LRP4: variants seen among roughly 807,000 people sequenced by gnomAD.
LRP4 encodes the protein LDL receptor related protein 4.
In LRP4, 95 loss-of-function variants were observed where a neutral mutation model predicts 220.3. The observed-to-expected ratio is 0.43, with a 90% CI of 0.37 to 0.51. The LOEUF (loss-of-function observed/expected upper bound fraction) is 0.51. LRP4 is among the 20% of genes least tolerant of loss of function. The probability of loss-of-function intolerance (pLI) is 0.00; values close to 1 mark genes in which losing one functional copy is unlikely to be tolerated. For synonymous variants in LRP4, 903 were observed against 954.6 expected, an observed-to-expected ratio of 0.95 and a Z score of 1.00; for missense variants, 1,925 against 2,567.0, an observed-to-expected ratio of 0.75 and a Z score of 5.40.
intron 34 of LRP4, among the ~76,000 whole-genome samples, chr11:46,865,960 G>C (rs1565776346): frequency 6.6e-6 from 1 of 152,160 alleles, no homozygotes; most frequent in Non-Finnish European, 1.5e-5. Context: ...AACAGAGAAT[G>C]GGGGCACACA....
In LRP4 at chr11:46,882,714, G is replaced by A. The variant is rs150817264; in HGVS notation, c.2613-811C>T. Among the ~76,000 whole-genome samples, 131 of 152,038 alleles carry A rather than the reference G, an allele frequency of 8.6e-4. 1 individual carries two copies. The highest frequency in any genetic ancestry group is 3.1e-3 in the African/African-American group (127 of 41,472). On this transcript the variant is annotated intron_variant, in intron 19 of 37. Transcript: ENST00000378623. ...AAAAAAAAACTGTAAAAATTAGCTA[G>A]GCATTGTGGTCTGTGCCTGCAGTCC...
chr11:46,863,369 C>T (rs1028398441), intron 36 of LRP4, among the ~76,000 whole-genome samples: 3 of 152,092 alleles, frequency 2.0e-5, no homozygotes, highest in Non-Finnish European at 4.4e-5. Context: ...AACTGATGCA[C>T]TGAGCTTTAG....
chr11:46,864,994 C>T, intron 35 of LRP4, 125 bp downstream of exon 35: 1 of 835,110 alleles, frequency 1.2e-6, no homozygotes. Flanking sequence ...ATTATTATTT[C>T]TATGGACTTA....
At position 46,883,890 on chromosome 11, in the gene LRP4, C is replaced by T. The variant is rs765202931; in HGVS notation, c.2593G>A (p.Val865Met). The T allele has an allele frequency of 8.7e-6, 14 of 1,614,074 alleles. No homozygotes were observed. Among genetic ancestry groups the T allele is most frequent in the Admixed American group, 6.7e-5 (4 of 60,004 alleles). Residue 865 changes from valine (V) to methionine (M), a missense_variant, in exon 19 of 38, where the codon GTG becomes ATG. This residue lies in a region of LRP4 where 1,244 missense variants were observed against 1,624.9 expected (regional missense o/e 0.77). Transcript: ENST00000378623. ...WENLDRPRDI[V>M]VEPMGGYMYW... is the part of the protein sequence containing the mutation. ...ACTCACCCGCCCATGGGTTCCACCA[C>T]GATGTCCCGAGGACGATCAAGGTTC...
At chr11:46,896,605 TG>T (rs1434459315) in intron 8 of LRP4, among the ~76,000 whole-genome samples, 1 of 152,156 alleles carries the variant, frequency 6.6e-6, no homozygotes, top group African/African-American at 2.4e-5. Flanking sequence ...GGAGCACACA[TG>T]GGGGCTGCCA....
intron 15 of LRP4, 156 bp from the exon 16 acceptor site, chr11:46,889,689 C>G (rs1592536006): frequency 9.9e-7 from 1 of 1,013,572 alleles, no homozygotes; most frequent in Admixed American, 2.0e-5. Flanking sequence ...ACAGTGAGTA[C>G]CCGGCACAGA....
At position 46,873,574 on chromosome 11, in the gene LRP4, T is replaced by G; in HGVS notation, c.4249A>C (p.Ser1417Arg). 6.2e-7 allele frequency: 1 copy of G among 1,613,806 alleles called. No homozygotes were observed. The highest frequency in any genetic ancestry group is 8.5e-7 in the Non-Finnish European group (1 of 1,179,714). Residue 1417 changes from serine to arginine, a missense_variant, in exon 29 of 38, where the codon AGC becomes CGC. Physicochemically the swap from Ser to Arg is moderately radical, Grantham distance 110. Around this residue, in one of 3 missense-constraint regions of LRP4, gnomAD observed 1,244 missense variants for 1,624.9 expected, o/e 0.77. Coordinates refer to ENST00000378623, the MANE Select transcript of LRP4 (RefSeq NM_002334.4). This position sits in a 1 kb window ranked among gnomAD's most constrained non-coding sequence, Gnocchi z 4.2. ...CGCCCGATCACTGTCTCCATGTTGC[T>G]GCCGTTCAGGTCTGCTCGCCTTGGG... ...DVIRRADLNG[S>R]NMETVIGRGL...
chr11:46,914,087 C>T (rs1012770491), intron 1 of LRP4, among the ~76,000 whole-genome samples: 3 of 152,036 alleles, frequency 2.0e-5, no homozygotes, highest in Admixed American at 2.0e-4. Context: ...TTTTATCAAG[C>T]TCTACAGTAA....
intron 20 of LRP4, among the ~76,000 whole-genome samples, chr11:46,880,645 AAG>A (rs1269871008): frequency 6.6e-6 from 1 of 152,088 alleles, no homozygotes; most frequent in African/African-American, 2.4e-5. Flanking sequence ...TAAAAATTAA[AAG>A]AGACGTAATT....
intron 30 of LRP4, among the ~76,000 whole-genome samples, chr11:46,871,955 C>T (rs1043312303): frequency 3.3e-5 from 5 of 152,132 alleles, no homozygotes; most frequent in Non-Finnish European, 7.3e-5. Flanking sequence ...TACAAATGGT[C>T]TTTAAGAAGA....
chr11:46,899,067 C>T lies in LRP4; in HGVS notation c.548-35G>A. On this transcript the variant is annotated intron_variant, in intron 5 of 37. Coordinates refer to ENST00000378623, the MANE Select transcript of LRP4 (RefSeq NM_002334.4). The surrounding 1 kb of genome is among the most constrained non-coding windows in gnomAD (Gnocchi z 5.9). Reference sequence around the variant, plus strand: ...AGGCAGGGGTGGGGAGGGGCACACACTCAGGCCTGGATGAAGGAGAGGGGC... The same window carrying T: ...AGGCAGGGGTGGGGAGGGGCACACATTCAGGCCTGGATGAAGGAGAGGGGC... The T allele has an allele frequency of 1.3e-6, 2 of 1,599,634 alleles. No individual in the cohort carries two copies. The highest frequency in any genetic ancestry group is 2.2e-5 in the East Asian group (1 of 44,682).
At chr11:46,869,225 C>T (rs1565778673) in intron 31 of LRP4, 93 bp from the exon 32 acceptor site, 1 of 1,242,634 alleles carries the variant, frequency 8.0e-7, no homozygotes, top group Admixed American at 2.0e-5. Context: ...GTGCCACTGC[C>T]TCTGCTGAAA....
chr11:46,917,665 T>C (rs1255864746), intron 1 of LRP4, among the ~76,000 whole-genome samples: 1 of 152,070 alleles, frequency 6.6e-6, no homozygotes, highest in Non-Finnish European at 1.5e-5. Flanking sequence ...TCAGCCCCCT[T>C]TCCAACCACC....
intron 1 of LRP4, among the ~76,000 whole-genome samples, chr11:46,906,223 A>G (rs1175224965): frequency 2.0e-5 from 3 of 152,232 alleles, no homozygotes; most frequent in Admixed American, 2.0e-4. Context: ...TGGGAGGCTG[A>G]GGCGGGCAGA....
rs1036848267 is a variant in LRP4 at position 46,918,495 on chromosome 11, G to T, written c.-116C>A. ...GTCCCGGGTGCACGGCGGCCTGCGC[G>T]CCCCGCAAGTCGCCCTCGGGCCGCC... On this transcript the variant is annotated 5_prime_UTR_variant, in exon 1 of 38. Transcript: ENST00000378623. This position sits in a 1 kb window ranked among gnomAD's most constrained non-coding sequence, Gnocchi z 6.0. 4.3e-6 allele frequency: 3 copies of T among 696,834 alleles called. No individual in the cohort carries two copies. The African/African-American group carries it at 5.7e-5, about 13-fold the overall frequency. The allele number at this position is 696,834 out of a possible 1,614,324, so 43.2% of individuals were successfully genotyped here.
At position 46,885,282 on chromosome 11, in the gene LRP4, C is replaced by A. The variant is rs189265994; in HGVS notation, c.2506+809G>T. Among the ~76,000 whole-genome samples the A allele has an allele frequency of 3.3e-4, 50 of 152,290 alleles. No individual in the cohort carries two copies. The South Asian group carries it at 6.2e-3, about 19-fold the overall frequency. On this transcript the variant is annotated intron_variant, in intron 18 of 37. Coordinates refer to ENST00000378623, the MANE Select transcript of LRP4 (RefSeq NM_002334.4). ...AAAGCGCTAGGATTATAGGTGTGAG[C>A]CACCATGCCCAGCCCTGATTCAGTA...
chr11:46,879,037 C>T lies in LRP4; in HGVS notation c.3006G>A (p.Val1002=), dbSNP rs770627486. 2 of 1,614,058 alleles carry T rather than the reference C, an allele frequency of 1.2e-6. No individual in the cohort carries two copies. The highest frequency in any genetic ancestry group is 1.7e-6 in the Non-Finnish European group (2 of 1,180,032). ...IHVFHRRRPP[V]STPCAMENGG... is the part of the protein sequence containing the mutation. ...CATTCTCCATAGCACATGGTGTAGA[C>T]ACTGGGTAGAGAGGAGGGGATGTTC... The change falls in exon 22 of 38, where the codon GTG becomes GTA. Residue 1002 remains valine, a splice_region_variant and synonymous_variant. Transcript: ENST00000378623.
rs779964945 is a variant in LRP4, at chr11:46,895,183, C to T, written c.1292G>A (p.Arg431His). ...ETGYELRPDR[R>H]SCKALGPEPV... ...GCCCTTACCCAGAGCCTTGCAGCTG[C>T]GCCGGTCGGGCCGTAGTTCATAGCC... Residue 431 changes from arginine (R) to histidine (H), a missense_variant, in exon 11 of 38, where the codon CGC becomes CAC. Physicochemically the swap from Arg to His is conservative, Grantham distance 29. Around this residue, in one of 3 missense-constraint regions of LRP4, gnomAD observed 269 missense variants for 436.7 expected, o/e 0.62. Transcript: ENST00000378623. 1.7e-5 allele frequency: 27 copies of T among 1,613,900 alleles called. No individual in the cohort carries two copies. Among genetic ancestry groups the T allele is most frequent in the Admixed American group, 1.3e-4 (8 of 60,000 alleles).
chr11:46,902,620 T>G (rs1300196073), intron 2 of LRP4, among the ~76,000 whole-genome samples, 163 bp downstream of exon 2: 1 of 152,184 alleles, frequency 6.6e-6, no homozygotes, highest in Non-Finnish European at 1.5e-5. Flanking sequence ...GAGCCATATA[T>G]AGTGAAGAAA....
Sources: allele counts gnomAD v4.1 joint callset (sites outside exome capture counted in the v4.1 genomes callset), GRCh38; gene constraint gnomAD v4.1.1; regional missense constraint gnomAD v4.1.1; non-coding constraint Gnocchi (gnomAD v3.1); transcripts MANE v1.5; gene names NCBI Gene and HGNC (gene_info 2026-07-23, HGNC 2026-07-21).